The following SEC23B variants were observed in gnomAD, a reference collection of about 807,000 sequenced individuals.
SEC23B encodes protein transport protein Sec23B.
SEC23B carries 77 observed loss-of-function variants against 104.3 expected under a neutral mutation model. The observed-to-expected ratio is 0.74, with a 90% CI of 0.61 to 0.89. SEC23B has a LOEUF of 0.89. Ranked by LOEUF, SEC23B falls within the 40% of genes least tolerant of loss-of-function variation. The probability of loss-of-function intolerance (pLI) is 0.00; values close to 1 mark genes in which losing one functional copy is unlikely to be tolerated. For missense variants in SEC23B, 885 were observed against 949.4 expected (o/e 0.93, Z 0.89); for synonymous variants, 338 against 332.5 (o/e 1.02, Z -0.18).
chr20:18,549,928 C>T (rs565898289), intron 16 of SEC23B, among the ~76,000 whole-genome samples: 7 of 151,650 alleles, frequency 4.6e-5, no homozygotes, highest in Non-Finnish European at 1.0e-4. Flanking sequence ...GAGTTGAGAT[C>T]GCGCCACTGC....
At chr20:18,519,908 G>A (rs565196898) in intron 4 of SEC23B, among the ~76,000 whole-genome samples, 16 of 152,298 alleles carry the variant, frequency 1.1e-4, no homozygotes, top group African/African-American at 3.8e-4. Context: ...TGCCGAGATA[G>A]GTAATAGATG....
At chr20:18,520,924 C>T (rs2060078236) in intron 4 of SEC23B, among the ~76,000 whole-genome samples, 1 of 152,066 alleles carries the variant, frequency 6.6e-6, no homozygotes, top group Admixed American at 6.6e-5. Flanking sequence ...GTTCCAGGGG[C>T]TCTGGGAGTG....
chr20:18,515,629 AAACTGTT>A lies in SEC23B; in HGVS notation c.280-20_280-14del. On this transcript the variant is annotated splice_polypyrimidine_tract_variant and intron_variant, in intron 3 of 19. Transcript: ENST00000650089. ...TAATATAGTTATGCCAACCCTAATAAAACTGTTTCCTTCTTTTCAGTTTCCTCCAGCT... is the reference window on the plus strand; with the variant it reads ...TAATATAGTTATGCCAACCCTAATAATCCTTCTTTTCAGTTTCCTCCAGCT... 1 of 1,477,298 alleles carries A rather than the reference AAACTGTT, an allele frequency of 6.8e-7. No homozygotes were observed. The highest frequency in any genetic ancestry group is 9.5e-7 in the Non-Finnish European group (1 of 1,055,300). The allele number at this position is 1,477,298 out of a possible 1,614,324, so 91.5% of individuals were successfully genotyped here.
At chr20:18,531,963 C>T (rs898320341) in intron 10 of SEC23B, among the ~76,000 whole-genome samples, 10 of 152,154 alleles carry the variant, frequency 6.6e-5, no homozygotes, top group Non-Finnish European at 8.8e-5. Flanking sequence ...GAGGCTGAGG[C>T]GGGAAAATCA....
intron 4 of SEC23B, among the ~76,000 whole-genome samples, chr20:18,516,478 G>A (rs964072458): frequency 1.3e-5 from 2 of 149,904 alleles, no homozygotes; most frequent in African/African-American, 2.4e-5. Context: ...GCTTTGTAAT[G>A]TGCTTTGAAA....
At position 18,542,380 on chromosome 20, in the gene SEC23B, C is replaced by T. The variant is rs727504145; in HGVS notation, c.1489C>T (p.Arg497Cys). Residue 497 changes from arginine (R) to cysteine (C), a missense_variant, in exon 13 of 20, where the codon CGC becomes TGC. Physicochemically the swap from Arg to Cys is radical, Grantham distance 180 (BLOSUM62 -3). Coordinates refer to ENST00000650089, the MANE Select transcript of SEC23B (RefSeq NM_006363.6). ...YQHSSTQRRI[R>C]VTTIARNWAD... ...GCACTCCAGCACCCAGAGACGCATC[C>T]GCGTGACCACCATCGCCCGAAAGTA... is the stretch of plus-strand genomic sequence containing the variant. The T allele has an allele frequency of 2.2e-5, 35 of 1,614,086 alleles. No individual in the cohort carries two copies. Among genetic ancestry groups the T allele is most frequent in the Non-Finnish European group, 2.6e-5 (31 of 1,180,020 alleles).
intron 1 of SEC23B, among the ~76,000 whole-genome samples, chr20:18,510,278 C>T (rs2059970003): frequency 6.6e-6 from 1 of 152,152 alleles, no homozygotes; most frequent in Non-Finnish European, 1.5e-5. Flanking sequence ...TGTTTAACTA[C>T]ATGTAGTTTG....
chr20:18,511,616 A>G lies in SEC23B; in HGVS notation c.221+560A>G, dbSNP rs75103026. Among the ~76,000 whole-genome samples the G allele has an allele frequency of 5.1e-3, 781 of 152,212 alleles. 9 individuals carry two copies. The highest frequency in any genetic ancestry group is 0.04 in the South Asian group (195 of 4,822). ...TGTCATAAAATTTTTATATGAGGGA[A>G]CATTTTTTACTTCATTCTCATTGCT... On this transcript the variant is annotated intron_variant, in intron 2 of 19. Coordinates refer to ENST00000650089, the MANE Select transcript of SEC23B (RefSeq NM_006363.6).
At chr20:18,510,757 T>G in intron 1 of SEC23B, 65 bp from the exon 2 acceptor site, 1 of 1,266,610 alleles carries the variant, frequency 7.9e-7, no homozygotes, top group East Asian at 2.3e-5. Flanking sequence ...ATGACCCATC[T>G]TCTTTTTTTG....
intron 12 of SEC23B, among the ~76,000 whole-genome samples, chr20:18,538,127 A>G (rs1302748288): frequency 2.0e-5 from 3 of 151,740 alleles, no homozygotes; most frequent in African/African-American, 7.3e-5. Context: ...TATTTTTAGC[A>G]GAGACAAGGT....
intron 19 of SEC23B, among the ~76,000 whole-genome samples, chr20:18,559,053 C>T (rs1281704658): frequency 7.4e-6 from 1 of 135,910 alleles, no homozygotes; most frequent in African/African-American, 2.8e-5. Flanking sequence ...TTTTTTCTTA[C>T]ACTACTCTGA....
At chr20:18,558,931 A>G (rs1277356038) in intron 19 of SEC23B, among the ~76,000 whole-genome samples, 3 of 152,264 alleles carry the variant, frequency 2.0e-5, no homozygotes, top group African/African-American at 7.2e-5. Flanking sequence ...TTTTTAATTC[A>G]GGTGGAGGTC....
At chr20:18,560,108 GTA>G (rs1555792439) in intron 19 of SEC23B, among the ~76,000 whole-genome samples, 3 of 150,864 alleles carry the variant, frequency 2.0e-5, no homozygotes, top group African/African-American at 7.3e-5. Context: ...GTGTGTGTGT[GTA>G]TATATATATA....
At chr20:18,558,688 C>T (rs1383208814) in intron 19 of SEC23B, among the ~76,000 whole-genome samples, 4 of 152,108 alleles carry the variant, frequency 2.6e-5, no homozygotes, top group Admixed American at 6.5e-5. Flanking sequence ...CTATGCACTG[C>T]GCTTTTTGTT....
chr20:18,514,540 G>A (rs1308141499), intron 3 of SEC23B, among the ~76,000 whole-genome samples: 1 of 152,166 alleles, frequency 6.6e-6, no homozygotes, highest in Non-Finnish European at 1.5e-5. Context: ...GAGGTCACTG[G>A]CCTGGAGTGA....
At chr20:18,526,552 G>A in intron 8 of SEC23B, 21 bp downstream of exon 8, 1 of 1,613,794 alleles carries the variant, frequency 6.2e-7, no homozygotes, top group South Asian at 1.1e-5. Context: ...TTGGGTATGG[G>A]CTGTAATTCT....
In SEC23B at chr20:18,525,944, T is replaced by C. The variant is rs2060130056; in HGVS notation, c.834+12T>C. The C allele has an allele frequency of 6.2e-7, 1 of 1,613,780 alleles. No homozygotes were observed. The highest frequency in any genetic ancestry group is 1.3e-5 in the African/African-American group (1 of 75,028). On this transcript the variant is annotated intron_variant, in intron 7 of 19. Transcript: ENST00000650089. ...TTGGCTTGCTGGAGGTAATTTAAAA[T>C]TTACCAGGACCTCTCAAATCATACA...
chr20:18,514,952 C>CTTT (rs796958404), intron 3 of SEC23B, among the ~76,000 whole-genome samples: 75 of 152,210 alleles, frequency 4.9e-4, no homozygotes, highest in African/African-American at 1.7e-3. Flanking sequence ...AGACTATTAA[C>CTTT]TATTGATGAG....
intron 4 of SEC23B, 22 bp from the exon 5 acceptor site, chr20:18,524,411 T>C (rs367709850): frequency 9.7e-6 from 15 of 1,542,798 alleles, no homozygotes; most frequent in African/African-American, 1.4e-5. Context: ...TTGATCATTA[T>C]GCTGTTTTTC....
Sources: gnomAD v4.1 joint callset for allele counts (sites outside exome capture counted in the v4.1 genomes callset) on GRCh38, gnomAD v4.1.1 for gene constraint, MANE v1.5 for transcripts, NCBI Gene and HGNC (gene_info 2026-07-23, HGNC 2026-07-21) for gene names.